Variants in BMPR1B observed in about 807,000 individuals in gnomAD.
The protein encoded by BMPR1B is bone morphogenetic protein receptor type 1B.
In BMPR1B, 12 loss-of-function variants were observed where a neutral mutation model predicts 59.1. The ratio of observed to expected loss-of-function variants is 0.20; its 90% CI spans 0.13 to 0.33. BMPR1B has a LOEUF of 0.33. BMPR1B is among the 10% of genes least tolerant of loss of function. The probability of loss-of-function intolerance (pLI) is 1.00; values close to 1 mark genes in which losing one functional copy is unlikely to be tolerated. For synonymous variants in BMPR1B, 237 were observed against 207.3 expected (o/e 1.14, Z -1.23); for missense variants, 550 against 610.9 (o/e 0.90, Z 1.05).
intron 1 of BMPR1B, among the ~76,000 whole-genome samples, chr4:94,808,410 G>C (rs1028638507): frequency 6.6e-6 from 1 of 151,976 alleles, no homozygotes; most frequent in African/African-American, 2.4e-5. Context: ...TAATTTTAAT[G>C]GCTACTGAAT....
At chr4:94,912,365 G>A (rs1377458056) in intron 2 of BMPR1B, among the ~76,000 whole-genome samples, 1 of 152,112 alleles carries the variant, frequency 6.6e-6, no homozygotes, top group African/African-American at 2.4e-5. Context: ...GGTTAGATTG[G>A]AGGGGAGTGG....
chr4:95,106,706 C>T (rs1251511279), intron 4 of BMPR1B, among the ~76,000 whole-genome samples: 2 of 151,926 alleles, frequency 1.3e-5, no homozygotes, highest in African/African-American at 4.8e-5. Context: ...GGATCTGGGG[C>T]TCAGAGAAGA....
chr4:94,893,442 G>A (rs1314553595), intron 2 of BMPR1B, among the ~76,000 whole-genome samples: 7 of 151,942 alleles, frequency 4.6e-5, no homozygotes, highest in Non-Finnish European at 1.0e-4. Flanking sequence ...TTGTGTATGG[G>A]CTTCCCAAGA....
At chr4:94,983,484 A>T (rs1032752540) in intron 2 of BMPR1B, among the ~76,000 whole-genome samples, 3 of 152,224 alleles carry the variant, frequency 2.0e-5, no homozygotes, top group Non-Finnish European at 4.4e-5. Context: ...CCAAAAAGTT[A>T]CATGAAATCA....
intron 2 of BMPR1B, among the ~76,000 whole-genome samples, chr4:94,980,334 T>C (rs1180147772): frequency 6.6e-6 from 1 of 152,220 alleles, no homozygotes; most frequent in Non-Finnish European, 1.5e-5. Context: ...TATTTCATGT[T>C]GTAGCCCTAA....
rs182854639 is a variant in BMPR1B at position 95,129,140 on chromosome 4, C to A, written c.586-722C>A. On this transcript the variant is annotated intron_variant, in intron 8 of 12. Transcript: ENST00000515059. ...CCATAGTCACGGCATGAAAAGTATT[C>A]TGCAAATGGTTTCCTCAAGAGAGAG... Among the ~76,000 whole-genome samples, 184 of 152,290 alleles carry A rather than the reference C, an allele frequency of 1.2e-3. 4 individuals carry two copies. Among genetic ancestry groups the A allele is most frequent in the Admixed American group, 0.011 (171 of 15,298 alleles).
chr4:94,827,637 TCTC>T (rs1724432996), intron 1 of BMPR1B, among the ~76,000 whole-genome samples: 1 of 152,168 alleles, frequency 6.6e-6, no homozygotes, highest in Non-Finnish European at 1.5e-5. Context: ...TTCTTTTTCT[TCTC>T]CTAATGATTC....
At chr4:94,795,912 C>G (rs10516954) in intron 1 of BMPR1B, among the ~76,000 whole-genome samples, 2 of 151,822 alleles carry the variant, frequency 1.3e-5, no homozygotes, top group East Asian at 1.9e-4. Flanking sequence ...GTGGTGATAT[C>G]TGGCATAGAG....
intron 3 of BMPR1B, among the ~76,000 whole-genome samples, chr4:95,054,052 A>G (rs1457518322): frequency 6.6e-6 from 1 of 152,214 alleles, no homozygotes; most frequent in Non-Finnish European, 1.5e-5. Context: ...GCCGAGATTA[A>G]TATTCTGAGA....
chr4:95,055,431 T>C (rs1726847382), intron 3 of BMPR1B, among the ~76,000 whole-genome samples: 1 of 152,220 alleles, frequency 6.6e-6, no homozygotes, highest in Non-Finnish European at 1.5e-5. Flanking sequence ...AAAATGATCC[T>C]TATTACCATA....
chr4:94,866,285 G>A (rs569823659), intron 1 of BMPR1B, among the ~76,000 whole-genome samples: 39 of 152,240 alleles, frequency 2.6e-4, no homozygotes, highest in African/African-American at 8.2e-4. Context: ...TCGGAGACAT[G>A]CACCAGTTTC....
At chr4:95,068,120 G>A (rs1038726233) in intron 3 of BMPR1B, among the ~76,000 whole-genome samples, 1 of 152,174 alleles carries the variant, frequency 6.6e-6, no homozygotes, top group African/African-American at 2.4e-5. Context: ...TTAAACAGGG[G>A]AATGATGATG....
chr4:94,833,641 C>T (rs974337466), intron 1 of BMPR1B, among the ~76,000 whole-genome samples: 1 of 152,156 alleles, frequency 6.6e-6, no homozygotes, highest in Non-Finnish European at 1.5e-5. Context: ...ACCTCCTTCC[C>T]CTGCCTAAGT....
chr4:94,877,199 T>C (rs1047249996), intron 2 of BMPR1B, among the ~76,000 whole-genome samples: 3 of 152,128 alleles, frequency 2.0e-5, no homozygotes, highest in Non-Finnish European at 2.9e-5. Context: ...AGAGAGATGG[T>C]TGGGGAGTAA....
chr4:95,093,293 A>C (rs1307323791), intron 3 of BMPR1B, among the ~76,000 whole-genome samples: 1 of 152,066 alleles, frequency 6.6e-6, no homozygotes, highest in East Asian at 1.9e-4. Flanking sequence ...AAACATTTTG[A>C]TTGAGTTTCT....
At position 95,126,737 on chromosome 4, in the gene BMPR1B, T is replaced by C. The variant is rs562105294; in HGVS notation, c.585+1616T>C. ...AAAACTCAGTTCAATAAAGAAAAAG[T>C]CTCTATTACAGATTTATTTTCTGGT... On this transcript the variant is annotated intron_variant, in intron 8 of 12. Coordinates refer to ENST00000515059, the MANE Select transcript of BMPR1B (RefSeq NM_001203.3). 4.9e-4 allele frequency among the ~76,000 whole-genome samples: 74 copies of C among 152,268 alleles called. 1 individual carries two copies. The South Asian group carries it at 0.015, about 30-fold the overall frequency.
At chr4:94,872,335 A>T (rs1265777576) in intron 1 of BMPR1B, among the ~76,000 whole-genome samples, 1 of 152,248 alleles carries the variant, frequency 6.6e-6, no homozygotes, top group African/African-American at 2.4e-5. Context: ...CCCTCTAAAC[A>T]TATAAAAATA....
At chr4:95,135,922 G>A (rs1370274397) in intron 10 of BMPR1B, among the ~76,000 whole-genome samples, 2 of 152,086 alleles carry the variant, frequency 1.3e-5, no homozygotes, top group Admixed American at 1.3e-4. Flanking sequence ...GCTGAGAGAG[G>A]GCATCCCTGT....
intron 1 of BMPR1B, among the ~76,000 whole-genome samples, chr4:94,761,415 CTGTGTGTGTGTG>C (rs57447983): frequency 2.6e-3 from 364 of 141,258 alleles, no homozygotes; most frequent in South Asian, 0.013. Flanking sequence ...CTGTATAATT[CTGTGTGTGTGTG>C]TGTGTGTGTG....
Sources: allele counts gnomAD v4.1 joint callset (sites outside exome capture counted in the v4.1 genomes callset), GRCh38; gene constraint gnomAD v4.1.1; transcripts MANE v1.5; gene names NCBI Gene and HGNC (gene_info 2026-07-23, HGNC 2026-07-21).